RFNG: variants seen among roughly 807,000 people sequenced by gnomAD.
The protein encoded by RFNG is RFNG O-fucosylpeptide 3-beta-N-acetylglucosaminyltransferase.
RFNG carries 37 observed loss-of-function variants against 29.6 expected under a neutral mutation model. That is an observed-to-expected ratio of 1.25 (90% confidence interval 0.96 to 1.65). RFNG has a LOEUF of 1.65. RFNG is among the 40% of genes most tolerant of loss of function. The probability of loss-of-function intolerance (pLI) is 0.00; values close to 1 mark genes in which losing one functional copy is unlikely to be tolerated. For missense variants in RFNG, 546 were observed against 457.0 expected, an observed-to-expected ratio of 1.19 and a Z score of -1.78; for synonymous variants, 276 against 197.3, an observed-to-expected ratio of 1.40 and a Z score of -3.34.
At position 82,050,493 on chromosome 17, in the gene RFNG, G is replaced by A; in HGVS notation, c.482C>T (p.Ser161Phe). 1.2e-6 allele frequency: 2 copies of A among 1,613,056 alleles called. No individual in the cohort carries two copies. Among genetic ancestry groups the A allele is most frequent in the South Asian group, 1.1e-5 (1 of 91,076 alleles). The change falls in exon 4 of 8, where the codon TCC becomes TTC. Residue 161 changes from serine to phenylalanine, a missense_variant. By Grantham distance (155) the Ser-to-Phe change is radical. Coordinates refer to ENST00000310496, the MANE Select transcript of RFNG (RefSeq NM_002917.2). ...VNARSLLHLL[S>F]SFSPSQDVYL... ...GACGTCCTGGCTGGGTGAGAAGCTG[G>A]AGAGCAGGTGCAGGAGGCTCCTGGC...
At chr17:82,049,360 C>T (rs1032644806) in intron 6 of RFNG, 9 of 698,720 alleles carry the variant, frequency 1.3e-5, no homozygotes, top group East Asian at 1.1e-4. Context: ...CTCATTCCCT[C>T]CCTGCTCCAC....
In RFNG at chr17:82,051,324, C is replaced by T. The variant is rs2030533154; in HGVS notation, c.286G>A (p.Gly96Arg). 14 of 1,446,652 alleles carry T rather than the reference C, an allele frequency of 9.7e-6. No homozygotes were observed. The highest frequency in any genetic ancestry group is 1.8e-4 in the Middle Eastern group (1 of 5,490). The allele number at this position is 1,446,652 out of a possible 1,614,324, so 89.6% of individuals were successfully genotyped here. A position where few individuals can be genotyped will look rare whatever the true frequency, so the allele number is the denominator to read the frequency against. Reference sequence around the variant, plus strand: ...TGGAGCTCGAGCTCAGGGTCGTCCCCGTCGGTGAAGATAAACGTCTGGGGG... The same window carrying T: ...TGGAGCTCGAGCTCAGGGTCGTCCCTGTCGGTGAAGATAAACGTCTGGGGG... ...ARQQTFIFTD[G>R]DDPELELQGG... Residue 96 changes from glycine to arginine, a missense_variant, in exon 2 of 8, where the codon GGG (glycine) becomes AGG (arginine). Physicochemically the swap from Gly to Arg is moderately radical, Grantham distance 125. Coordinates refer to ENST00000310496, the MANE Select transcript of RFNG (RefSeq NM_002917.2). The surrounding 1 kb of genome is among the most constrained non-coding windows in gnomAD (Gnocchi z 4.1).
chr17:82,049,545 G>A (rs1323144241), intron 6 of RFNG, 132 bp downstream of exon 6: 15 of 1,084,536 alleles, frequency 1.4e-5, no homozygotes, highest in Non-Finnish European at 1.9e-5. Context: ...GCCTGTCCAG[G>A]GTCCACCCCC....
chr17:82,051,346 G>C lies in RFNG; in HGVS notation c.268-4C>G, dbSNP rs2030536934. On this transcript the variant is annotated splice_polypyrimidine_tract_variant and splice_region_variant and intron_variant, in intron 1 of 7. Coordinates refer to ENST00000310496, the MANE Select transcript of RFNG (RefSeq NM_002917.2). The surrounding 1 kb of genome is among the most constrained non-coding windows in gnomAD (Gnocchi z 4.1). ...CCCCGTCGGTGAAGATAAACGTCTG[G>C]GGGAGAAACAATCTATGAGGCTTCT... 6.8e-7 allele frequency: 1 copy of C among 1,468,430 alleles called. No individual in the cohort carries two copies. The allele number at this position is 1,468,430 out of a possible 1,614,324, so 91.0% of individuals were successfully genotyped here.
rs1399620433 is a variant in RFNG at position 82,051,634 on chromosome 17, C to G, written c.133G>C (p.Ala45Pro). 1 of 1,098,518 alleles carries G rather than the reference C, an allele frequency of 9.1e-7. No homozygotes were observed. The highest frequency in any genetic ancestry group is 4.8e-5 in the East Asian group (1 of 20,822). The allele number at this position is 1,098,518 out of a possible 1,614,324, so 68.0% of individuals were successfully genotyped here. The part of the protein sequence containing the change: ...PARTPAPAPR[A>P]PPSRPAAPSL... ...GGGGCAGCGGGCCGGGACGGGGGCG[C>G]GCGCGGGGCCGGGGCGGGGGTCCGG... The change falls in exon 1 of 8, where the codon GCG becomes CCG. Residue 45 changes from alanine (A) to proline (P), a missense_variant. Coordinates refer to ENST00000310496, the MANE Select transcript of RFNG (RefSeq NM_002917.2). The surrounding 1 kb of genome is among the most constrained non-coding windows in gnomAD (Gnocchi z 4.1).
In RFNG at chr17:82,049,046, T is replaced by G. The variant is rs143745130; in HGVS notation, c.899A>C (p.His300Pro). The G allele has an allele frequency of 3.8e-5, 62 of 1,613,370 alleles. No individual in the cohort carries two copies. Among genetic ancestry groups the G allele is most frequent in the Non-Finnish European group, 5.3e-5 (62 of 1,179,862 alleles). Residue 300 changes from histidine to proline, a missense_variant, in exon 7 of 8, where the codon CAT (histidine) becomes CCT (proline). By Grantham distance (77) the His-to-Pro change is moderately conservative. Transcript: ENST00000310496. The part of the protein sequence containing the change: ...VVNVAGGFSL[H>P]QDPTRFKSIH... ...ACCTACTCACCGTGTGGGGTCTTGATGCAGGCTGAAGCCTCCAGCCACGTT... is the reference window on the plus strand; with the variant it reads ...ACCTACTCACCGTGTGGGGTCTTGAGGCAGGCTGAAGCCTCCAGCCACGTT...
chr17:82,051,275 G>A lies in RFNG; in HGVS notation c.316+19C>T. The A allele has an allele frequency of 1.5e-6, 2 of 1,364,878 alleles. No individual in the cohort carries two copies. Among genetic ancestry groups the A allele is most frequent in the Non-Finnish European group, 1.9e-6 (2 of 1,056,792 alleles). The allele number at this position is 1,364,878 out of a possible 1,614,324, so 84.5% of individuals were successfully genotyped here. A position where few individuals can be genotyped will look rare whatever the true frequency, so the allele number is the denominator to read the frequency against. ...CGGGGGGCAGATCCCGCGGGCGCCG[G>A]GGAGTGGGGGACACTCACCGCCCTG... is the stretch of plus-strand genomic sequence containing the variant. On this transcript the variant is annotated intron_variant, in intron 2 of 7. Transcript: ENST00000310496. The surrounding 1 kb of genome is among the most constrained non-coding windows in gnomAD (Gnocchi z 4.1).
In RFNG at chr17:82,050,963, C is replaced by T. The variant is rs529846193; in HGVS notation, c.317-199G>A. Reference sequence around the variant, plus strand: ...CACCGAGGCTGAAGCAGGCGGCCATCGGTTGGGATCTCTTGAGTGGAAACA... The same window carrying T: ...CACCGAGGCTGAAGCAGGCGGCCATTGGTTGGGATCTCTTGAGTGGAAACA... On this transcript the variant is annotated intron_variant, in intron 2 of 7. Coordinates refer to ENST00000310496, the MANE Select transcript of RFNG (RefSeq NM_002917.2). 161 of 1,427,566 alleles carry T rather than the reference C, an allele frequency of 1.1e-4. No individual in the cohort carries two copies. The East Asian group carries it at 4.0e-3, about 35-fold the overall frequency. The allele number at this position is 1,427,566 out of a possible 1,614,324, so 88.4% of individuals were successfully genotyped here. A position where few individuals can be genotyped will look rare whatever the true frequency, so the allele number is the denominator to read the frequency against.
In RFNG at chr17:82,050,648, T is replaced by A; in HGVS notation, c.419+14A>T. The A allele has an allele frequency of 6.2e-7, 1 of 1,612,414 alleles. No homozygotes were observed. The highest frequency in any genetic ancestry group is 1.1e-5 in the South Asian group (1 of 91,060). The stretch of plus-strand genomic sequence containing the variant: ...GGCTCTGAGCTCTCTGCGGGTCGGG[T>A]CAGCGCCGCGTACTTGCGCCCGGAC... On this transcript the variant is annotated intron_variant, in intron 3 of 7. Coordinates refer to ENST00000310496, the MANE Select transcript of RFNG (RefSeq NM_002917.2).
In RFNG at chr17:82,048,755, G is replaced by A. The variant is rs755709933; in HGVS notation, c.967C>T (p.Gln323Ter). ...LYPDTDWCPR[Q>*]KQGAPTSR ...CGAGAGGTCGGGGCGCCCTGTTTCT[G>A]CCTGGGACACCAGTCCGTGTCTGGG... The change falls in exon 8 of 8, where the codon CAG becomes TAG. Residue 323 changes from glutamine to a stop codon, truncating the protein, a stop_gained. Transcript: ENST00000310496. LOFTEE classifies it low-confidence loss of function (END_TRUNC). 2 of 1,613,118 alleles carry A rather than the reference G, an allele frequency of 1.2e-6. No individual in the cohort carries two copies. Among genetic ancestry groups the A allele is most frequent in the African/African-American group, 1.3e-5 (1 of 74,926 alleles).
intron 7 of RFNG, 101 bp from the exon 8 acceptor site, chr17:82,048,908 A>C (rs1453688214): frequency 2.1e-6 from 3 of 1,424,328 alleles, no homozygotes; most frequent in Non-Finnish European, 9.8e-7. Context: ...CCGTGGGTAC[A>C]GGGAGAAGCC....
In RFNG at chr17:82,048,855, C is replaced by T. The variant is rs372996555; in HGVS notation, c.915-48G>A. 1.6e-4 allele frequency: 247 copies of T among 1,551,896 alleles called. No individual in the cohort carries two copies. In the African/African-American group the frequency reaches 2.6e-3, roughly 16 times the overall value. On this transcript the variant is annotated intron_variant, in intron 7 of 7. Coordinates refer to ENST00000310496, the MANE Select transcript of RFNG (RefSeq NM_002917.2). ...TCAGGGCCGTGGGCGGAGAGAGAAG[C>T]GGGGGCCAGGGCCGTGGGCGGCGGG...
Position 82,050,767 on chromosome 17 carries a change from G to A in RFNG, c.317-3C>T, listed in dbSNP as rs754200616. The A allele has an allele frequency of 1.9e-6, 3 of 1,612,460 alleles. No individual in the cohort carries two copies. Among genetic ancestry groups the A allele is most frequent in the Admixed American group, 3.3e-5 (2 of 60,022 alleles). ...GTTGGTGTTGATGACACGGTCGCCT[G>A]CGAATCAGAGACGGGAAGCACGCAC... On this transcript the variant is annotated splice_region_variant and splice_polypyrimidine_tract_variant and intron_variant, in intron 2 of 7. Coordinates refer to ENST00000310496, the MANE Select transcript of RFNG (RefSeq NM_002917.2).
rs528679242 is a variant in RFNG at position 82,049,259 on chromosome 17, G to A, written c.829-143C>T. 1.1e-5 allele frequency: 8 copies of A among 735,504 alleles called. No homozygotes were observed. The East Asian group carries it at 2.1e-4, about 20-fold the overall frequency. The allele number at this position is 735,504 out of a possible 1,614,324, so 45.6% of individuals were successfully genotyped here. ...GGAGGCCAGGCTTGGAAACAGCATTGAAGCATGGCATGAGCTGAGTAGGGG... is the reference window on the plus strand; with the variant it reads ...GGAGGCCAGGCTTGGAAACAGCATTAAAGCATGGCATGAGCTGAGTAGGGG... On this transcript the variant is annotated intron_variant, in intron 6 of 7. Transcript: ENST00000310496.
At chr17:82,049,551 C>A in intron 6 of RFNG, 126 bp downstream of exon 6, 1 of 1,156,826 alleles carries the variant, frequency 8.6e-7, no homozygotes, top group Non-Finnish European at 1.2e-6. Flanking sequence ...CCAGGGTCCA[C>A]CCCCAGCCAC....
At chr17:82,048,941 G>A (rs1195859405) in intron 7 of RFNG, 90 bp downstream of exon 7, 88 of 1,461,064 alleles carry the variant, frequency 6.0e-5, no homozygotes, top group Non-Finnish European at 7.9e-5. Flanking sequence ...GTGGGCGGAG[G>A]GAGCAGCGGG....
chr17:82,048,540 C>T lies in RFNG; in HGVS notation c.*186G>A, dbSNP rs1389815955. 1 of 607,290 alleles carries T rather than the reference C, an allele frequency of 1.6e-6. No individual in the cohort carries two copies. Among genetic ancestry groups the T allele is most frequent in the Admixed American group, 2.9e-5 (1 of 34,714 alleles). 37.6% of individuals were successfully genotyped at this position (607,290 alleles called of 1,614,324 possible). On this transcript the variant is annotated 3_prime_UTR_variant, in exon 8 of 8. Coordinates refer to ENST00000310496, the MANE Select transcript of RFNG (RefSeq NM_002917.2). ...CCTGGCTGTCTTCGTTCTCCCAAAA[C>T]ACCCATCACCGCAGCCCACCAGGGG...
intron 6 of RFNG, 166 bp from the exon 7 acceptor site, chr17:82,049,282 G>A: frequency 1.4e-6 from 1 of 713,854 alleles, no homozygotes; most frequent in East Asian, 2.7e-5. Flanking sequence ...AGCTGAGTAG[G>A]GGGACACCTC....
In RFNG at chr17:82,049,050, G is replaced by A; in HGVS notation, c.895C>T (p.Leu299=). 3 of 1,613,468 alleles carry A rather than the reference G, an allele frequency of 1.9e-6. No individual in the cohort carries two copies. Among genetic ancestry groups the A allele is most frequent in the Non-Finnish European group, 2.5e-6 (3 of 1,179,880 alleles). ...ACTCACCGTGTGGGGTCTTGATGCA[G>A]GCTGAAGCCTCCAGCCACGTTCACC... ...NVVNVAGGFS[L]HQDPTRFKSI... is the part of the protein sequence containing the mutation. The change falls in exon 7 of 8, where the codon CTG becomes TTG. Residue 299 remains leucine (L), a synonymous_variant. Coordinates refer to ENST00000310496, the MANE Select transcript of RFNG (RefSeq NM_002917.2).
Sources: allele counts gnomAD v4.1 joint callset, GRCh38; gene constraint gnomAD v4.1.1; non-coding constraint Gnocchi (gnomAD v3.1); transcripts MANE v1.5; gene names NCBI Gene and HGNC (gene_info 2026-07-23, HGNC 2026-07-21).